The following ZNF442 variants were observed in gnomAD, a reference collection of about 807,000 sequenced individuals.
The protein encoded by ZNF442 is zinc finger protein 442.
ZNF442 carries 45 observed loss-of-function variants against 57.0 expected under a neutral mutation model. The observed-to-expected ratio is 0.79, with a 90% CI of 0.62 to 1.01. The LOEUF is 1.01. ZNF442 is among the 50% of genes least tolerant of loss of function. ZNF442 has a pLI of 0.00. For synonymous variants in ZNF442, 213 were observed against 241.8 expected (o/e 0.88, Z 1.10); for missense variants, 690 against 756.5 (o/e 0.91, Z 1.03).
intron 3 of ZNF442, among the ~76,000 whole-genome samples, chr19:12,362,727 A>C (rs909126115): frequency 3.7e-4 from 56 of 152,200 alleles, no homozygotes; most frequent in Middle Eastern, 3.4e-3. Flanking sequence ...CAGCTCATTG[A>C]GAGTGGGCCA....
intron 3 of ZNF442, among the ~76,000 whole-genome samples, chr19:12,359,702 C>A (rs1381138822): frequency 6.6e-6 from 1 of 152,044 alleles, no homozygotes; most frequent in Non-Finnish European, 1.5e-5. Flanking sequence ...ATTCTCGGCC[C>A]GGCGTGGTTG....
intron 3 of ZNF442, among the ~76,000 whole-genome samples, chr19:12,355,460 C>A (rs1969312942): frequency 1.3e-5 from 2 of 148,764 alleles, no homozygotes; most frequent in Admixed American, 6.7e-5. Context: ...CTCCTGGGCT[C>A]AAGCAATGCT....
chr19:12,359,893 A>G (rs1360680129), intron 3 of ZNF442, among the ~76,000 whole-genome samples: 3 of 151,844 alleles, frequency 2.0e-5, no homozygotes, highest in Non-Finnish European at 4.4e-5. Context: ...CAGGAGAATC[A>G]CTTAAACCCG....
intron 3 of ZNF442, among the ~76,000 whole-genome samples, chr19:12,362,494 G>A (rs138424816): frequency 0.046 from 7,031 of 151,336 alleles, 528 homozygotes; most frequent in African/African-American, 0.16. Context: ...CAGCCGCCCC[G>A]TCTGGGAAGT....
chr19:12,351,595 T>C (rs1013168194), intron 5 of ZNF442, among the ~76,000 whole-genome samples: 1 of 152,170 alleles, frequency 6.6e-6, no homozygotes, highest in Middle Eastern at 3.2e-3. Flanking sequence ...AACCTCCGCC[T>C]CCCAGGTTCA....
rs1359511618 is a variant in ZNF442 at position 12,348,088 on chromosome 19, T to C, written c.*1613A>G. The C allele has an allele frequency of 6.6e-6, 1 of 152,170 alleles. No homozygotes were observed. Among genetic ancestry groups the C allele is most frequent in the Non-Finnish European group, 1.5e-5 (1 of 68,064 alleles). The allele number at this position is 152,170 out of a possible 1,614,324, so 9.4% of individuals were successfully genotyped here. On this transcript the variant is annotated 3_prime_UTR_variant, in exon 6 of 6. Transcript: ENST00000242804. ...CGCAGGGCACGGTGGCTCATGCCTG[T>C]AATCTCAGCACTTTGGGAGGCCGAG...
chr19:12,366,591 C>G (rs1055923254), upstream of ZNF442, among the ~76,000 whole-genome samples: 3 of 152,180 alleles, frequency 2.0e-5, no homozygotes, highest in Non-Finnish European at 4.4e-5. Context: ...CACTCCCTTT[C>G]CTTTCCCATA....
intron 4 of ZNF442, among the ~76,000 whole-genome samples, 178 bp from the exon 5 acceptor site, chr19:12,352,248 C>T (rs570054060): frequency 7.9e-5 from 12 of 152,228 alleles, no homozygotes; most frequent in Admixed American, 4.6e-4. Flanking sequence ...GATGGAGTCT[C>T]GCTCTGTTGC....
chr19:12,369,679 C>T (rs890686760), upstream of ZNF442, among the ~76,000 whole-genome samples: 8 of 152,108 alleles, frequency 5.3e-5, no homozygotes, highest in East Asian at 3.9e-4. Context: ...AGGCGGATCA[C>T]GAGGTCAGGA....
the ZNF442 span, among the ~76,000 whole-genome samples, chr19:12,370,979 AAAAAAAAAGAAAG>A: frequency 6.6e-6 from 1 of 151,922 alleles, no homozygotes; most frequent in African/African-American, 2.4e-5. Flanking sequence ...TCTCAAAAAA[AAAAAAAAAGAAAG>A]AAAAGAAAGA....
At chr19:12,361,981 C>A (rs961056306) in intron 3 of ZNF442, among the ~76,000 whole-genome samples, 1 of 152,234 alleles carries the variant, frequency 6.6e-6, no homozygotes, top group Non-Finnish European at 1.5e-5. Flanking sequence ...CTCGGCCTCC[C>A]GAGGTGCAGG....
chr19:12,352,947 T>A (rs767576285), intron 4 of ZNF442, 41 bp downstream of exon 4: 3 of 1,581,850 alleles, frequency 1.9e-6, no homozygotes, highest in South Asian at 1.2e-5. Context: ...AAGAAAAAAA[T>A]GTCTCTAATT....
At chr19:12,354,283 G>A (rs988152506) in intron 3 of ZNF442, among the ~76,000 whole-genome samples, 2 of 152,064 alleles carry the variant, frequency 1.3e-5, no homozygotes, top group Non-Finnish European at 2.9e-5. Context: ...AGCAAAGCAA[G>A]ACAAAAGACT....
chr19:12,370,528 C>T (rs1267876092), upstream of ZNF442, among the ~76,000 whole-genome samples: 1 of 152,054 alleles, frequency 6.6e-6, no homozygotes, highest in Non-Finnish European at 1.5e-5. Flanking sequence ...CAAGGGGTCA[C>T]TGGTTCTGGT....
rs1969301365 is a variant in ZNF442 at position 12,354,911 on chromosome 19, A to G, written c.79-1797T>C. On this transcript the variant is annotated intron_variant, in intron 3 of 5. Coordinates refer to ENST00000242804, the MANE Select transcript of ZNF442 (RefSeq NM_030824.3). ...TGTTTTTGTGACCAATAAGCCTGCCAGTCAACTGAAGGTTAGCTGTGGTGA... is the reference window on the plus strand; with the variant it reads ...TGTTTTTGTGACCAATAAGCCTGCCGGTCAACTGAAGGTTAGCTGTGGTGA... Among the ~76,000 whole-genome samples the G allele has an allele frequency of 2.0e-5, 3 of 152,342 alleles. 1 individual carries two copies. The highest frequency in any genetic ancestry group is 7.2e-5 in the African/African-American group (3 of 41,586).
intron 3 of ZNF442, among the ~76,000 whole-genome samples, chr19:12,357,349 CTTTTTTTTT>C (rs5827145): frequency 5.2e-5 from 5 of 95,368 alleles, no homozygotes; most frequent in Non-Finnish European, 9.8e-5. Flanking sequence ...CTTTTTCTTT[CTTTTTTTTT>C]TTTTTTTTTT....
At chr19:12,362,637 GCGCCTC>G (rs1418510415) in intron 3 of ZNF442, among the ~76,000 whole-genome samples, 2 of 143,316 alleles carry the variant, frequency 1.4e-5, no homozygotes, top group African/African-American at 5.6e-5. Context: ...GAGGTGGGGG[GCGCCTC>G]TGCCCGGCCG....
At position 12,347,886 on chromosome 19, in the gene ZNF442, T is replaced by C. The variant is rs1194708249; in HGVS notation, c.*1815A>G. ...CTATCCCAACACAAATAAGAGAGCA[T>C]AAATACTAACAAGGAACTCGAAGAT... On this transcript the variant is annotated 3_prime_UTR_variant, in exon 6 of 6. Coordinates refer to ENST00000242804, the MANE Select transcript of ZNF442 (RefSeq NM_030824.3). The C allele has an allele frequency of 6.6e-6, 1 of 152,116 alleles. No homozygotes were observed. Among genetic ancestry groups the C allele is most frequent in the Non-Finnish European group, 1.5e-5 (1 of 68,038 alleles). The allele number at this position is 152,116 out of a possible 1,614,324, so 9.4% of individuals were successfully genotyped here.
intron 3 of ZNF442, among the ~76,000 whole-genome samples, chr19:12,362,332 G>GC (rs2144841111): frequency 6.6e-6 from 1 of 151,868 alleles, no homozygotes; most frequent in Admixed American, 6.6e-5. Flanking sequence ...CTGCCCCGCC[G>GC]CCCCATCTGG....
Sources: allele counts gnomAD v4.1 joint callset (sites outside exome capture counted in the v4.1 genomes callset), GRCh38; gene constraint gnomAD v4.1.1; transcripts MANE v1.5; gene names NCBI Gene and HGNC (gene_info 2026-07-23, HGNC 2026-07-21).